NOTCH3: variants seen among roughly 807,000 people sequenced by gnomAD.
NOTCH3 encodes the protein notch receptor 3.
In NOTCH3, 86 loss-of-function variants were observed where a neutral mutation model predicts 213.3. The ratio of observed to expected loss-of-function variants is 0.40; its 90% CI spans 0.34 to 0.48. The LOEUF (loss-of-function observed/expected upper bound fraction) is 0.48. Ranked by LOEUF, NOTCH3 falls within the 20% of genes least tolerant of loss-of-function variation. NOTCH3 has a pLI of 0.57. For synonymous variants in NOTCH3, 1,354 were observed against 1,355.9 expected, an observed-to-expected ratio of 1.00 and a Z score of 0.03; for missense variants, 2,783 against 3,272.6, an observed-to-expected ratio of 0.85 and a Z score of 3.65.
Position 15,167,261 on chromosome 19 carries a change from C to G in NOTCH3, c.5350G>C (p.Val1784Leu). The G allele has an allele frequency of 6.2e-7, 1 of 1,612,926 alleles. No homozygotes were observed. The highest frequency in any genetic ancestry group is 8.5e-7 in the Non-Finnish European group (1 of 1,179,220). The change falls in exon 29 of 33, where the codon GTG becomes CTG. Residue 1784 changes from valine (V) to leucine (L), a missense_variant. Transcript: ENST00000263388. ...DADADGMDVN[V>L]RGPDGFTPLM... ...CACTGTCACTAACCTGGGCCACGCA[C>G]ATTGACATCCATGCCATCAGCATCT...
At chr19:15,175,813 T>C (rs896310236) in intron 24 of NOTCH3, among the ~76,000 whole-genome samples, 7 of 151,234 alleles carry the variant, frequency 4.6e-5, no homozygotes, top group African/African-American at 1.7e-4. Context: ...GGCCCTGATA[T>C]GGGATCAAGC....
intron 29 of NOTCH3, 114 bp downstream of exon 29, chr19:15,167,135 C>G: frequency 8.7e-7 from 1 of 1,155,938 alleles, no homozygotes. Context: ...TACACACACC[C>G]TTCACAGAAG....
Position 15,191,740 on chromosome 19 carries a change from C to T in NOTCH3, c.802+5G>A, listed in dbSNP as rs1190496866. 6.2e-7 allele frequency: 1 copy of T among 1,613,698 alleles called. No homozygotes were observed. Among genetic ancestry groups the T allele is most frequent in the African/African-American group, 1.3e-5 (1 of 74,950 alleles). On this transcript the variant is annotated splice_donor_5th_base_variant and intron_variant, in intron 5 of 32. Coordinates refer to ENST00000263388, the MANE Select transcript of NOTCH3 (RefSeq NM_000435.3). Reference sequence around the variant, plus strand: ...CTCCCCGCTCCCTCTGGCCGCAGTGCCCACCTGTCCACTCAGGAGGGCACT... The same window carrying T: ...CTCCCCGCTCCCTCTGGCCGCAGTGTCCACCTGTCCACTCAGGAGGGCACT...
At position 15,170,093 on chromosome 19, in the gene NOTCH3, C is replaced by T. The variant is rs1251693132; in HGVS notation, c.5192G>A (p.Arg1731Gln). ...TCAGAGGGGGGGCAGTACCTTTAGC[C>T]GCTTGGCCTCTGGGCACTCTGTGTC... is the stretch of plus-strand genomic sequence containing the variant. Reference protein sequence around the residue: ...WMDTECPEAKRLKVEEPGMGA... With the variant: ...WMDTECPEAKQLKVEEPGMGA... The change falls in exon 28 of 33, where the codon CGG becomes CAG. Residue 1731 changes from arginine (R) to glutamine (Q), a missense_variant. By Grantham distance (43) the Arg-to-Gln change is conservative (BLOSUM62 1). Around this residue, in one of 6 missense-constraint regions of NOTCH3, gnomAD observed 636 missense variants for 801.8 expected, o/e 0.79. Transcript: ENST00000263388. 6 of 1,585,528 alleles carry T rather than the reference C, an allele frequency of 3.8e-6. No individual in the cohort carries two copies. Among genetic ancestry groups the T allele is most frequent in the East Asian group, 4.5e-5 (2 of 44,100 alleles).
chr19:15,198,395 CACAAAGACG>C (rs2046986011), intron 1 of NOTCH3, among the ~76,000 whole-genome samples: 3 of 152,170 alleles, frequency 2.0e-5, no homozygotes, highest in African/African-American at 7.2e-5. Context: ...TCGAGAAAAA[CACAAAGACG>C]TGAGAATGAA....
chr19:15,173,118 T>TCTTCTC (rs1568351385), intron 25 of NOTCH3, among the ~76,000 whole-genome samples: 4 of 95,266 alleles, frequency 4.2e-5, no homozygotes, highest in African/African-American at 3.6e-4. Context: ...TTTTTTTTTT[T>TCTTCTC]TTTTTTTTTT....
In NOTCH3 at chr19:15,165,679, A is replaced by G; in HGVS notation, c.5667+108T>C. On this transcript the variant is annotated intron_variant, in intron 30 of 32. Coordinates refer to ENST00000263388, the MANE Select transcript of NOTCH3 (RefSeq NM_000435.3). This position sits in a 1 kb window ranked among gnomAD's most constrained non-coding sequence, Gnocchi z 4.7. ...AGATACTGTATTCCCATATATCCCC[A>G]TTTTCCAAATGAGAAAAAATGAGTC... 7.1e-7 allele frequency: 1 copy of G among 1,404,864 alleles called. No homozygotes were observed. Among genetic ancestry groups the G allele is most frequent in the South Asian group, 1.2e-5 (1 of 83,252 alleles). The allele number at this position is 1,404,864 out of a possible 1,614,324, so 87.0% of individuals were successfully genotyped here. A position where few individuals can be genotyped will look rare whatever the true frequency, so the allele number is the denominator to read the frequency against.
Position 15,179,123 on chromosome 19 carries a change from T to C in NOTCH3, c.3620A>G (p.Asn1207Ser), listed in dbSNP as rs141418355. 112 of 1,614,196 alleles carry C rather than the reference T, an allele frequency of 6.9e-5. No homozygotes were observed. The highest frequency in any genetic ancestry group is 6.9e-4 in the East Asian group (31 of 44,882). Reference protein sequence around the residue: ...YTGLRCEADINECRSGACHAA... With the variant: ...YTGLRCEADISECRSGACHAA... ...GTGGCAGGCACCTGAGCGACACTCA[T>C]TGATGTCTGCCTCGCAGCGCAAACC... The change falls in exon 22 of 33, where the codon AAT (asparagine) becomes AGT (serine). Residue 1207 changes from asparagine to serine, a missense_variant. Asn to Ser is a conservative substitution (Grantham distance 46, BLOSUM62 1). This residue lies in a region of NOTCH3 where 861 missense variants were observed against 909.1 expected (regional missense o/e 0.95). Coordinates refer to ENST00000263388, the MANE Select transcript of NOTCH3 (RefSeq NM_000435.3).
chr19:15,189,529 G>GT, intron 6 of NOTCH3, 101 bp from the exon 7 acceptor site: 2 of 1,464,564 alleles, frequency 1.4e-6, no homozygotes, highest in East Asian at 2.3e-5. Flanking sequence ...GTTTTGTTTT[G>GT]TTTTTTGAGA....
At position 15,188,349 on chromosome 19, in the gene NOTCH3, C is replaced by T; in HGVS notation, c.1379-1G>A. On this transcript the variant is annotated splice_acceptor_variant, in intron 8 of 32. Transcript: ENST00000263388. LOFTEE classifies it high-confidence loss of function. The stretch of plus-strand genomic sequence containing the variant: ...ACCTCGCAATAGGTTCCTGTGAAGC[C>T]TGGGGCAGGGAATAGGGCTTAGGAA... 1 of 1,594,890 alleles carries T rather than the reference C, an allele frequency of 6.3e-7. No homozygotes were observed. The highest frequency in any genetic ancestry group is 8.6e-7 in the Non-Finnish European group (1 of 1,167,992).
rs527809450 is a variant in NOTCH3, at chr19:15,193,983, G to A, written c.198-1464C>T. On this transcript the variant is annotated intron_variant, in intron 2 of 32. Coordinates refer to ENST00000263388, the MANE Select transcript of NOTCH3 (RefSeq NM_000435.3). ...TGTAGTCCCCGCTACTCAGGAGGCT[G>A]AGACAGAAGAATTGCTTGAACCTGG... is the stretch of plus-strand genomic sequence containing the variant. Among the ~76,000 whole-genome samples, 6 of 152,040 alleles carry A rather than the reference G, an allele frequency of 3.9e-5. 1 individual carries two copies. The South Asian group carries it at 1.2e-3, about 32-fold the overall frequency.
intron 15 of NOTCH3, 135 bp from the exon 16 acceptor site, chr19:15,184,585 C>T: frequency 1.2e-6 from 1 of 838,948 alleles, no homozygotes; most frequent in Non-Finnish European, 1.9e-6. Flanking sequence ...CGTGTCTGGG[C>T]ATTTTGCATA....
chr19:15,161,002 G>A lies in NOTCH3; in HGVS notation c.6626C>T (p.Pro2209Leu), dbSNP rs541716070. ...GTPVSPQERPPPYLAVPGHGE... is the reference protein window; with the variant it reads ...GTPVSPQERPLPYLAVPGHGE... ...ATGTCCTGGGACTGCCAGGTAAGGC[G>A]GGGGCCGCTCCTGCGGGGAGACGGG... The change falls in exon 33 of 33, where the codon CCG becomes CTG. Residue 2209 changes from proline to leucine, a missense_variant. Physicochemically the swap from Pro to Leu is moderately conservative, Grantham distance 98. Around this residue, in one of 6 missense-constraint regions of NOTCH3, gnomAD observed 441 missense variants for 432.1 expected, o/e 1.02. Coordinates refer to ENST00000263388, the MANE Select transcript of NOTCH3 (RefSeq NM_000435.3). 374 of 1,548,108 alleles carry A rather than the reference G, an allele frequency of 2.4e-4. No individual in the cohort carries two copies. The Admixed American group carries it at 3.2e-3, about 13-fold the overall frequency.
intron 24 of NOTCH3, among the ~76,000 whole-genome samples, chr19:15,175,552 A>AAAAAAAAT (rs1273195882): frequency 4.2e-5 from 1 of 23,994 alleles, no homozygotes; most frequent in Non-Finnish European, 1.2e-4. Flanking sequence ...AAAAAAAAAA[A>AAAAAAAAT]ATACATATAT....
chr19:15,170,639 C>A, intron 26 of NOTCH3, 32 bp downstream of exon 26: 2 of 1,546,672 alleles, frequency 1.3e-6, no homozygotes, highest in Non-Finnish European at 1.7e-6. Context: ...CAGCTCCGCC[C>A]CCGCCACCCC....
intron 28 of NOTCH3, among the ~76,000 whole-genome samples, chr19:15,169,088 CT>C (rs2145397301): frequency 6.6e-6 from 1 of 151,302 alleles, no homozygotes; most frequent in East Asian, 2.0e-4. Context: ...GAGATAGGGC[CT>C]TTAAGGAGGT....
Position 15,162,835 on chromosome 19 carries a change from G to A in NOTCH3, c.5816-273C>T, listed in dbSNP as rs1184814953. On this transcript the variant is annotated intron_variant, in intron 31 of 32. Transcript: ENST00000263388. ...TGTTTATACACAGGGGGTGCTGTGT[G>A]GACCTCCTTCAGTTGAACCTAGGGT... Among the ~76,000 whole-genome samples the A allele has an allele frequency of 2.6e-5, 4 of 152,132 alleles. No homozygotes were observed. In the East Asian group the frequency reaches 7.7e-4, roughly 29 times the overall value.
Position 15,191,940 on chromosome 19 carries a change from C to T in NOTCH3, c.679+20G>A. On this transcript the variant is annotated intron_variant, in intron 4 of 32. Transcript: ENST00000263388. ...TCCCCACGCCCACCCCTCTGACTCT[C>T]CTGAGTAGGGCTCACTCACCAGGAA... 2 of 1,613,582 alleles carry T rather than the reference C, an allele frequency of 1.2e-6. No individual in the cohort carries two copies. The highest frequency in any genetic ancestry group is 8.5e-7 in the Non-Finnish European group (1 of 1,180,038).
chr19:15,179,998 A>C, intron 20 of NOTCH3, 74 bp downstream of exon 20: 1 of 1,045,416 alleles, frequency 9.6e-7, no homozygotes, highest in Non-Finnish European at 1.5e-6. Flanking sequence ...ATACCAAGCC[A>C]CACAGAAATG....
Sources: allele counts gnomAD v4.1 joint callset (sites outside exome capture counted in the v4.1 genomes callset), GRCh38; gene constraint gnomAD v4.1.1; regional missense constraint gnomAD v4.1.1; non-coding constraint Gnocchi (gnomAD v3.1); transcripts MANE v1.5; gene names NCBI Gene and HGNC (gene_info 2026-07-23, HGNC 2026-07-21).